Variants in EXOC6B observed in about 807,000 individuals in gnomAD.
EXOC6B encodes SEC15 homolog B.
Under a neutral mutation model 113.5 loss-of-function variants are expected in EXOC6B, and 54 were observed. The observed-to-expected ratio is 0.48, with a 90% CI of 0.38 to 0.60. The LOEUF is 0.60. EXOC6B is among the 20% of genes least tolerant of loss of function. EXOC6B has a pLI of 0.00. For synonymous variants in EXOC6B, 357 were observed against 339.0 expected (o/e 1.05, Z -0.58); for missense variants, 797 against 977.5 (o/e 0.82, Z 2.46).
intron 8 of EXOC6B, among the ~76,000 whole-genome samples, chr2:72,520,124 A>G (rs1701411691): frequency 6.6e-6 from 1 of 152,172 alleles, no homozygotes; most frequent in Admixed American, 6.5e-5. Context: ...TCTTGTTAGG[A>G]TGCAAGCTCC....
intron 8 of EXOC6B, among the ~76,000 whole-genome samples, chr2:72,546,156 A>G (rs938089069): frequency 6.6e-6 from 1 of 152,324 alleles, no homozygotes; most frequent in Middle Eastern, 3.4e-3. Context: ...AAGGGACTAT[A>G]AAGAGATTAT....
chr2:72,474,997 A>G (rs890096061), intron 17 of EXOC6B, among the ~76,000 whole-genome samples: 2 of 152,202 alleles, frequency 1.3e-5, no homozygotes, highest in Non-Finnish European at 2.9e-5. Context: ...TAAACTCTGT[A>G]CGATTCCTTC....
At chr2:72,788,272 T>C (rs1419970434) in intron 1 of EXOC6B, among the ~76,000 whole-genome samples, 1 of 152,218 alleles carries the variant, frequency 6.6e-6, no homozygotes, top group South Asian at 2.1e-4. Context: ...TAAATAAGCA[T>C]TAACTGTTGT....
intron 11 of EXOC6B, among the ~76,000 whole-genome samples, chr2:72,512,377 A>T (rs1352305829): frequency 1.0e-5 from 1 of 96,758 alleles, no homozygotes; most frequent in South Asian, 4.5e-4. Flanking sequence ...AGAAGGAAGG[A>T]AGGAAGGAAG....
chr2:72,706,917 A>C (rs1035323232), intron 6 of EXOC6B, among the ~76,000 whole-genome samples: 2 of 152,184 alleles, frequency 1.3e-5, no homozygotes, highest in African/African-American at 4.8e-5. Flanking sequence ...AAGAAGTTCA[A>C]CCATAGTGAT....
At chr2:72,294,648 A>G (rs1233325878) in intron 20 of EXOC6B, among the ~76,000 whole-genome samples, 3 of 151,996 alleles carry the variant, frequency 2.0e-5, no homozygotes, top group Non-Finnish European at 4.4e-5. Context: ...CTTGTTTTCT[A>G]TGGTTTTACG....
intron 5 of EXOC6B, among the ~76,000 whole-genome samples, chr2:72,721,341 T>C (rs917173878): frequency 1.0e-5 from 1 of 99,640 alleles, no homozygotes; most frequent in Non-Finnish European, 2.0e-5. Context: ...AGAAAAAAGG[T>C]TAATAAACTT....
chr2:72,730,956 A>G (rs1370346668), intron 5 of EXOC6B, 51 bp downstream of exon 5: 1 of 1,341,202 alleles, frequency 7.5e-7, no homozygotes, highest in Admixed American at 2.8e-5. Flanking sequence ...CGTATTCTAA[A>G]CAACAGAAAT....
chr2:72,233,698 G>A (rs1023431011), intron 20 of EXOC6B, among the ~76,000 whole-genome samples: 2 of 152,148 alleles, frequency 1.3e-5, no homozygotes, highest in Non-Finnish European at 2.9e-5. Flanking sequence ...GTGGCACCTG[G>A]GAGCACTAAG....
At chr2:72,249,182 C>G (rs1682854400) in intron 20 of EXOC6B, among the ~76,000 whole-genome samples, 1 of 152,222 alleles carries the variant, frequency 6.6e-6, no homozygotes, top group African/African-American at 2.4e-5. Context: ...GGGAGGATTA[C>G]TTAAGCCCAG....
intron 1 of EXOC6B, among the ~76,000 whole-genome samples, chr2:72,772,791 G>A (rs1683477020): frequency 6.6e-6 from 1 of 152,072 alleles, no homozygotes; most frequent in Non-Finnish European, 1.5e-5. Context: ...GGCTTTCCCT[G>A]CCAAAGCCAG....
intron 20 of EXOC6B, among the ~76,000 whole-genome samples, chr2:72,209,223 C>CAAAAAAAAAAAAAAAA (rs1170760516): frequency 3.0e-4 from 17 of 57,090 alleles, no homozygotes; most frequent in Admixed American, 4.6e-4. Context: ...AACTCAGTCT[C>CAAAAAAAAAAAAAAAA]AAAAAAAAAA....
intron 6 of EXOC6B, among the ~76,000 whole-genome samples, chr2:72,619,117 T>C (rs994766029): frequency 6.6e-6 from 1 of 151,874 alleles, no homozygotes; most frequent in South Asian, 2.1e-4. Flanking sequence ...CTGGAAATGT[T>C]ACAGCCATTC....
At chr2:72,766,935 G>C (rs898328548) in intron 1 of EXOC6B, among the ~76,000 whole-genome samples, 15 of 136,190 alleles carry the variant, frequency 1.1e-4, no homozygotes, top group Admixed American at 8.6e-4. Flanking sequence ...TTGGGTGACA[G>C]AGTGAGACCC....
chr2:72,786,722 TA>T (rs1476659003), intron 1 of EXOC6B, among the ~76,000 whole-genome samples: 2 of 152,232 alleles, frequency 1.3e-5, no homozygotes, highest in East Asian at 3.8e-4. Context: ...ACCAGTAGTC[TA>T]TATACTCCAC....
chr2:72,229,609 C>A (rs770454129), intron 20 of EXOC6B, among the ~76,000 whole-genome samples: 15 of 152,104 alleles, frequency 9.9e-5, no homozygotes, highest in Non-Finnish European at 1.2e-4. Context: ...GAGAGACAAT[C>A]CACAAATGCA....
intron 2 of EXOC6B, among the ~76,000 whole-genome samples, chr2:72,738,169 C>A (rs558508667): frequency 1.3e-5 from 2 of 152,238 alleles, no homozygotes; most frequent in South Asian, 4.1e-4. Flanking sequence ...CTATGGGTTT[C>A]TCTATGAAGT....
intron 8 of EXOC6B, among the ~76,000 whole-genome samples, chr2:72,526,397 CACAAA>C (rs1183093756): frequency 6.6e-6 from 1 of 151,630 alleles, no homozygotes; most frequent in Admixed American, 6.6e-5. Flanking sequence ...CCAGGAAAAG[CACAAA>C]ATCTGAGGCT....
rs1268028745 is a variant in EXOC6B at position 72,615,758 on chromosome 2, T to A, written c.670-40090A>T. On this transcript the variant is annotated intron_variant, in intron 6 of 21. Coordinates refer to ENST00000272427, the MANE Select transcript of EXOC6B (RefSeq NM_015189.3). ...TTTTAGAGTATAGTCCTACTTATTT[T>A]AAAAAATCAGTTAACTGTAAAGCAG... is the stretch of plus-strand genomic sequence containing the variant. 3.3e-5 allele frequency among the ~76,000 whole-genome samples: 5 copies of A among 152,112 alleles called. No individual in the cohort carries two copies. In the East Asian group the frequency reaches 9.6e-4, roughly 29 times the overall value.
Sources: allele counts gnomAD v4.1 joint callset (sites outside exome capture counted in the v4.1 genomes callset), GRCh38; gene constraint gnomAD v4.1.1; transcripts MANE v1.5; gene names NCBI Gene and HGNC (gene_info 2026-07-23, HGNC 2026-07-21).